The following CXCL13 variants were observed in gnomAD, a reference collection of about 807,000 sequenced individuals.
CXCL13 encodes C-X-C motif chemokine ligand 13.
Under a neutral mutation model 12.2 loss-of-function variants are expected in CXCL13, and 7 were observed. The ratio of observed to expected loss-of-function variants is 0.57; its 90% CI spans 0.33 to 1.07. The LOEUF (loss-of-function observed/expected upper bound fraction) is 1.07, where lower values mean the gene tolerates loss of function less well. Ranked by LOEUF, CXCL13 falls within the 50% of genes least tolerant of loss-of-function variation. The pLI is 0.04. For missense variants in CXCL13, 113 were observed against 127.4 expected (o/e 0.89, Z 0.55); for synonymous variants, 47 against 42.4 (o/e 1.11, Z -0.42).
intron 1 of CXCL13, among the ~76,000 whole-genome samples, chr4:77,599,254 A>G (rs1019885010): frequency 5.3e-5 from 8 of 152,242 alleles, no homozygotes; most frequent in Admixed American, 3.9e-4. Context: ...CGTGTATACC[A>G]GAATCTATAG....
intron 1 of CXCL13, among the ~76,000 whole-genome samples, chr4:77,517,732 A>G (rs1214914125): frequency 6.6e-6 from 1 of 152,146 alleles, no homozygotes; most frequent in Non-Finnish European, 1.5e-5. Flanking sequence ...CCCGAATACA[A>G]CACACTGATG....
chr4:77,530,899 C>G (rs948458920), intron 1 of CXCL13, among the ~76,000 whole-genome samples: 1 of 151,764 alleles, frequency 6.6e-6, no homozygotes. Flanking sequence ...CCTGCTTTCT[C>G]TTGTGGGCAT....
At chr4:77,525,741 A>G (rs1724746147) in intron 1 of CXCL13, among the ~76,000 whole-genome samples, 1 of 152,162 alleles carries the variant, frequency 6.6e-6, no homozygotes, top group South Asian at 2.1e-4. Context: ...CATAAGGATT[A>G]TGCACTACCA....
intron 1 of CXCL13, among the ~76,000 whole-genome samples, chr4:77,566,705 A>G (rs1407161591): frequency 2.0e-5 from 3 of 152,176 alleles, no homozygotes; most frequent in Non-Finnish European, 2.9e-5. Context: ...ACCCCCTAAT[A>G]TTAGAGTGCA....
chr4:77,524,403 A>G (rs776802197), intron 1 of CXCL13, among the ~76,000 whole-genome samples: 2 of 152,184 alleles, frequency 1.3e-5, no homozygotes, highest in Non-Finnish European at 2.9e-5. Context: ...CGAGCTTCCC[A>G]GCCACTTTGT....
chr4:77,573,341 G>GA (rs1365433293), intron 1 of CXCL13, among the ~76,000 whole-genome samples: 1 of 148,942 alleles, frequency 6.7e-6, no homozygotes, highest in Non-Finnish European at 1.5e-5. Flanking sequence ...AGAGTTCCAA[G>GA]AAAAAAAGCT....
chr4:77,547,205 A>C (rs560804958), intron 1 of CXCL13, among the ~76,000 whole-genome samples: 1 of 152,188 alleles, frequency 6.6e-6, no homozygotes, highest in Non-Finnish European at 1.5e-5. Flanking sequence ...GCTGAGAAGA[A>C]TGTATAATCT....
chr4:77,546,616 A>G (rs1016555482), intron 1 of CXCL13, among the ~76,000 whole-genome samples: 7 of 151,686 alleles, frequency 4.6e-5, no homozygotes, highest in Admixed American at 2.0e-4. Flanking sequence ...TTTTTATTGC[A>G]TCTATTTGAT....
At chr4:77,540,580 G>T (rs1019532792) in intron 1 of CXCL13, among the ~76,000 whole-genome samples, 7 of 152,104 alleles carry the variant, frequency 4.6e-5, no homozygotes, top group Admixed American at 4.6e-4. Context: ...CTCTATGCAT[G>T]TTGCTGCAAA....
upstream of CXCL13, among the ~76,000 whole-genome samples, chr4:77,601,096 T>C (rs960889302): frequency 6.6e-6 from 1 of 152,164 alleles, no homozygotes; most frequent in African/African-American, 2.4e-5. Flanking sequence ...ATCACCACCC[T>C]ACAAGGTAAT....
chr4:77,576,838 A>G (rs1560530888), intron 1 of CXCL13, among the ~76,000 whole-genome samples: 1 of 152,348 alleles, frequency 6.6e-6, no homozygotes, highest in Non-Finnish European at 1.5e-5. Context: ...TCTATTTTGC[A>G]AACAACTCCG....
chr4:77,536,404 G>A (rs1298453970), intron 1 of CXCL13, among the ~76,000 whole-genome samples: 1 of 152,148 alleles, frequency 6.6e-6, no homozygotes, highest in Non-Finnish European at 1.5e-5. Flanking sequence ...TGAAGAAGAA[G>A]CAGAGTTTAA....
chr4:77,511,904 G>A (rs1218980330), intron 1 of CXCL13: 3 of 152,088 alleles, frequency 2.0e-5, no homozygotes, highest in Non-Finnish European at 4.4e-5. Flanking sequence ...TTGTTTCCAA[G>A]TTATACTAAG....
At chr4:77,593,450 G>T (rs1051840053) in intron 1 of CXCL13, among the ~76,000 whole-genome samples, 1 of 152,180 alleles carries the variant, frequency 6.6e-6, no homozygotes, top group Non-Finnish European at 1.5e-5. Context: ...GGACATCCCC[G>T]TGAGACTTGG....
intron 1 of CXCL13, among the ~76,000 whole-genome samples, chr4:77,546,767 C>T (rs1415798077): frequency 1.3e-5 from 2 of 152,158 alleles, no homozygotes; most frequent in East Asian, 1.9e-4. Flanking sequence ...TTTGTTATTC[C>T]TTGCCTTCTG....
intron 1 of CXCL13, among the ~76,000 whole-genome samples, chr4:77,582,331 C>T (rs190242367): frequency 6.6e-6 from 1 of 152,122 alleles, no homozygotes; most frequent in Non-Finnish European, 1.5e-5. Context: ...CTGGGCAGCA[C>T]TCCAAGAGAG....
intron 1 of CXCL13, among the ~76,000 whole-genome samples, chr4:77,547,084 A>G (rs947329063): frequency 1.3e-5 from 2 of 152,304 alleles, no homozygotes; most frequent in Non-Finnish European, 2.9e-5. Flanking sequence ...TACTAATTTG[A>G]TTGCACTGTG....
intron 1 of CXCL13, among the ~76,000 whole-genome samples, chr4:77,522,141 A>G (rs1724616782): frequency 6.6e-6 from 1 of 152,102 alleles, no homozygotes; most frequent in African/African-American, 2.4e-5. Context: ...TATGTGGTCA[A>G]TTTTGGTATA....
chr4:77,528,609 A>G (rs1442137511), intron 1 of CXCL13, among the ~76,000 whole-genome samples: 1 of 152,128 alleles, frequency 6.6e-6, no homozygotes, highest in African/African-American at 2.4e-5. Flanking sequence ...TCCTTCGCCC[A>G]CTTTTTGATG....
Sources: allele counts gnomAD v4.1 joint callset (sites outside exome capture counted in the v4.1 genomes callset), GRCh38; gene constraint gnomAD v4.1.1; transcripts MANE v1.5; gene names NCBI Gene and HGNC (gene_info 2026-07-23, HGNC 2026-07-21).